RPH3AL: variants seen among roughly 807,000 people sequenced by gnomAD.
RPH3AL encodes rab effector Noc2.
Under a neutral mutation model 43.1 loss-of-function variants are expected in RPH3AL, and 38 were observed. That is an observed-to-expected ratio of 0.88 (90% CI 0.68 to 1.15). RPH3AL has a LOEUF of 1.15. Ranked by LOEUF, RPH3AL falls within the 50% of genes most tolerant of loss-of-function variation. RPH3AL has a pLI of 0.00. For missense variants in RPH3AL, 462 were observed against 423.2 expected, an observed-to-expected ratio of 1.09 and a Z score of -0.81; for synonymous variants, 189 against 176.3, an observed-to-expected ratio of 1.07 and a Z score of -0.57.
rs375837087 is a variant in RPH3AL, at chr17:219,526, C to CTTTT, written c.727+93_727+96dup. The CTTTT allele has an allele frequency of 5.3e-3, 767 of 144,788 alleles. 335 individuals are homozygous for CTTTT. The highest frequency in any genetic ancestry group is 0.013 in the South Asian group (149 of 11,692). The allele number at this position is 144,788 out of a possible 1,614,324, so 9.0% of individuals were successfully genotyped here. A position where few individuals can be genotyped will look rare whatever the true frequency, so the allele number is the denominator to read the frequency against. ...AGTTTCATTTCTTTTCTTTTTCTTC[C>CTTTT]TTTTTTTTTTTTTTTTGAGATGGAG... On this transcript the variant is annotated intron_variant, in intron 8 of 9. Coordinates refer to ENST00000331302, the MANE Select transcript of RPH3AL (RefSeq NM_006987.4).
chr17:329,054 T>C (rs2044684794), intron 2 of RPH3AL, among the ~76,000 whole-genome samples: 1 of 152,038 alleles, frequency 6.6e-6, no homozygotes, highest in Admixed American at 6.6e-5. Context: ...TAGACAGTGG[T>C]GATGGTCACA....
chr17:271,306 T>C (rs1470062372), intron 6 of RPH3AL, among the ~76,000 whole-genome samples: 1 of 152,268 alleles, frequency 6.6e-6, no homozygotes, highest in Non-Finnish European at 1.5e-5. Context: ...TTTCCAATTC[T>C]GTGAAGAAAG....
chr17:315,340 G>T (rs62053758), intron 5 of RPH3AL, among the ~76,000 whole-genome samples: 187 of 66,364 alleles, frequency 2.8e-3, no homozygotes, highest in African/African-American at 7.4e-3. Flanking sequence ...CTGACCTGTA[G>T]TCCCTGTGAC....
chr17:310,325 G>A (rs912609820), intron 5 of RPH3AL, among the ~76,000 whole-genome samples: 1 of 152,182 alleles, frequency 6.6e-6, no homozygotes, highest in African/African-American at 2.4e-5. Flanking sequence ...CGGCATCTCG[G>A]CTTCCACCCA....
In RPH3AL at chr17:281,864, A is replaced by G; in HGVS notation, c.352-10T>C. 6.2e-7 allele frequency: 1 copy of G among 1,610,884 alleles called. No individual in the cohort carries two copies. Reference sequence around the variant, plus strand: ...ATTTGGTGCAGACTTTCTACAAGAGAGAGGACATGGGGTTGTAAAGATTGC... The same window carrying G: ...ATTTGGTGCAGACTTTCTACAAGAGGGAGGACATGGGGTTGTAAAGATTGC... On this transcript the variant is annotated splice_polypyrimidine_tract_variant and intron_variant, in intron 5 of 9. Coordinates refer to ENST00000331302, the MANE Select transcript of RPH3AL (RefSeq NM_006987.4).
At chr17:237,591 T>G (rs149806813) in intron 7 of RPH3AL, among the ~76,000 whole-genome samples, 256 of 152,326 alleles carry the variant, frequency 1.7e-3, no homozygotes, top group Non-Finnish European at 2.9e-3. Flanking sequence ...TCTAAGGGCA[T>G]GGACGTGAGG....
chr17:237,380 G>C (rs1321407770), intron 7 of RPH3AL, among the ~76,000 whole-genome samples: 1 of 152,184 alleles, frequency 6.6e-6, no homozygotes, highest in Non-Finnish European at 1.5e-5. Context: ...ACCTTGAAGG[G>C]AACCGGTGTG....
At chr17:311,369 C>T (rs187502776) in intron 5 of RPH3AL, among the ~76,000 whole-genome samples, 6 of 152,212 alleles carry the variant, frequency 3.9e-5, no homozygotes, top group African/African-American at 7.2e-5. Context: ...TTCCAGCTTC[C>T]GGCCTCAGCC....
intron 6 of RPH3AL, among the ~76,000 whole-genome samples, chr17:280,424 G>T (rs975562093): frequency 6.6e-6 from 1 of 152,194 alleles, no homozygotes; most frequent in Admixed American, 6.5e-5. Flanking sequence ...GTCACGGCTG[G>T]GATGAGGGTC....
chr17:253,444 G>C (rs1357988750), intron 6 of RPH3AL, among the ~76,000 whole-genome samples: 1 of 152,158 alleles, frequency 6.6e-6, no homozygotes, highest in Non-Finnish European at 1.5e-5. Flanking sequence ...GGACTTCCGA[G>C]CTGCTCCTTT....
chr17:221,684 T>G (rs2040981595), intron 7 of RPH3AL, among the ~76,000 whole-genome samples: 1 of 135,864 alleles, frequency 7.4e-6, no homozygotes, highest in Non-Finnish European at 1.6e-5. Flanking sequence ...CTCTGAGGGC[T>G]CCACTCACTG....
In RPH3AL at chr17:246,048, G is replaced by A. The variant is rs1035554231; in HGVS notation, c.613+1063C>T. 2.0e-5 allele frequency among the ~76,000 whole-genome samples: 3 copies of A among 152,154 alleles called. No homozygotes were observed. Among genetic ancestry groups the A allele is most frequent in the East Asian group, 1.9e-4 (1 of 5,190 alleles). ...ATGCCGACCTACCTGGCAGGTCCAC[G>A]TATGGGGGATTTATACCTTCTACAT... is the stretch of plus-strand genomic sequence containing the variant. On this transcript the variant is annotated intron_variant, in intron 7 of 9. Coordinates refer to ENST00000331302, the MANE Select transcript of RPH3AL (RefSeq NM_006987.4). This position sits in a 1 kb window ranked among gnomAD's most constrained non-coding sequence, Gnocchi z 4.8.
chr17:305,259 G>A (rs922201674), intron 5 of RPH3AL, among the ~76,000 whole-genome samples: 14 of 152,054 alleles, frequency 9.2e-5, no homozygotes, highest in East Asian at 5.8e-4. Flanking sequence ...GGCACCGGCC[G>A]AGTTGGGACT....
In RPH3AL at chr17:212,529, A is replaced by G. The variant is rs1461153167; in HGVS notation, c.*1323T>C. On this transcript the variant is annotated 3_prime_UTR_variant, in exon 10 of 10. Transcript: ENST00000331302. Reference sequence around the variant, plus strand: ...TTAATCTTCATTGTTTTAATTCTGAAGCATAACGTGCCACAGGGAAAGTGA... The same window carrying G: ...TTAATCTTCATTGTTTTAATTCTGAGGCATAACGTGCCACAGGGAAAGTGA... The G allele has an allele frequency of 7.2e-5, 11 of 152,240 alleles. No homozygotes were observed. Among genetic ancestry groups the G allele is most frequent in the African/African-American group, 2.6e-4 (11 of 41,528 alleles). 9.4% of individuals were successfully genotyped at this position (152,240 alleles called of 1,614,324 possible). A position where few individuals can be genotyped will look rare whatever the true frequency, so the allele number is the denominator to read the frequency against.
intron 5 of RPH3AL, among the ~76,000 whole-genome samples, chr17:302,768 A>C (rs544822698): frequency 6.6e-6 from 1 of 152,346 alleles, no homozygotes; most frequent in East Asian, 1.9e-4. Context: ...CTGGAATTCG[A>C]TTTACATGTA....
intron 5 of RPH3AL, among the ~76,000 whole-genome samples, chr17:318,600 A>C (rs779065684): frequency 6.6e-6 from 1 of 152,154 alleles, no homozygotes; most frequent in Non-Finnish European, 1.5e-5. Context: ...CAGGAAAAAA[A>C]AAATAGCCTC....
At position 215,657 on chromosome 17, in the gene RPH3AL, G is replaced by T; in HGVS notation, c.873C>A (p.Ala291=). The T allele has an allele frequency of 7.8e-7, 1 of 1,279,038 alleles. No individual in the cohort carries two copies. The highest frequency in any genetic ancestry group is 9.9e-7 in the Non-Finnish European group (1 of 1,008,110). 79.2% of individuals were successfully genotyped at this position (1,279,038 alleles called of 1,614,324 possible). ...AAGGCAGCAGTTGGGTACTCACCGG[G>T]GCCCTTCGGGTCAGCCCGGGGCGGG... ...GGPRPGLTRR[A]PVKDTPGRAP... is the part of the protein sequence containing the mutation. Residue 291 remains alanine, a synonymous_variant, in exon 9 of 10, where the codon GCC becomes GCA. Coordinates refer to ENST00000331302, the MANE Select transcript of RPH3AL (RefSeq NM_006987.4). This position sits in a 1 kb window ranked among gnomAD's most constrained non-coding sequence, Gnocchi z 4.1.
intron 7 of RPH3AL, among the ~76,000 whole-genome samples, chr17:240,619 G>A (rs2041506511): frequency 6.6e-6 from 1 of 152,146 alleles, no homozygotes; most frequent in African/African-American, 2.4e-5. Flanking sequence ...CTGCAGCGTG[G>A]ATCAGCACTT....
At chr17:239,174 G>A (rs1035719331) in intron 7 of RPH3AL, among the ~76,000 whole-genome samples, 1 of 152,174 alleles carries the variant, frequency 6.6e-6, no homozygotes, top group Non-Finnish European at 1.5e-5. Flanking sequence ...GGGAGGGAGA[G>A]AGCAGCAAAC....
Sources: gnomAD v4.1 joint callset for allele counts (sites outside exome capture counted in the v4.1 genomes callset) on GRCh38, gnomAD v4.1.1 for gene constraint, Gnocchi (gnomAD v3.1) non-coding constraint, MANE v1.5 for transcripts, NCBI Gene and HGNC (gene_info 2026-07-23, HGNC 2026-07-21) for gene names.